The following CHD7 variants were observed in gnomAD, a reference collection of about 807,000 sequenced individuals.
CHD7 encodes ATP-dependent chromatin remodeler CHD7.
CHD7 carries 24 observed loss-of-function variants against 307.3 expected under a neutral mutation model. The ratio of observed to expected loss-of-function variants is 0.08; its 90% CI spans 0.06 to 0.11. CHD7 has a LOEUF of 0.11. CHD7 is among the 10% of genes least tolerant of loss of function. The pLI is 1.00. For missense variants in CHD7, 3,106 were observed against 3,727.1 expected (o/e 0.83, Z 4.34); for synonymous variants, 1,363 against 1,349.9 (o/e 1.01, Z -0.21).
chr8:60,822,104 G>A lies in CHD7; in HGVS notation c.2916G>A (p.Gln972=), dbSNP rs766271197. 4 of 1,613,690 alleles carry A rather than the reference G, an allele frequency of 2.5e-6. No homozygotes were observed. The highest frequency in any genetic ancestry group is 3.3e-5 in the Admixed American group (2 of 59,990). The change falls in exon 11 of 38, where the codon CAG becomes CAA. Residue 972 remains glutamine, a synonymous_variant. Transcript: ENST00000423902. Reference sequence around the variant, plus strand: ...ACAATAACAAACTCAGGGAATACCAGTTGGAGGGAGTAAACTGGCTACTTT... The same window carrying A: ...ACAATAACAAACTCAGGGAATACCAATTGGAGGGAGTAAACTGGCTACTTT... The part of the protein sequence containing the change: ...YKNNNKLREY[Q]LEGVNWLLFN...
intron 3 of CHD7, among the ~76,000 whole-genome samples, chr8:60,784,102 C>T (rs532059655): frequency 6.6e-6 from 1 of 152,238 alleles, no homozygotes; most frequent in Non-Finnish European, 1.5e-5. Flanking sequence ...GTGCATACAA[C>T]TACATGTAAA....
intron 1 of CHD7, among the ~76,000 whole-genome samples, chr8:60,699,594 T>C (rs1375275445): frequency 6.6e-6 from 1 of 152,088 alleles, no homozygotes; most frequent in Non-Finnish European, 1.5e-5. Context: ...TGCTATGGAA[T>C]ATACTGTAGC....
intron 1 of CHD7, among the ~76,000 whole-genome samples, chr8:60,690,572 C>T (rs573755771): frequency 1.4e-4 from 22 of 152,264 alleles, no homozygotes; most frequent in African/African-American, 4.8e-4. Flanking sequence ...GAGAGCCTTC[C>T]ATTTAGCTGC....
chr8:60,837,238 T>C (rs1332788349), intron 17 of CHD7, among the ~76,000 whole-genome samples: 3 of 152,224 alleles, frequency 2.0e-5, no homozygotes, highest in Non-Finnish European at 4.4e-5. Context: ...GGCACATAGA[T>C]AGGGTCTTAG....
At chr8:60,786,326 C>T (rs879526271) in intron 3 of CHD7, among the ~76,000 whole-genome samples, 16 of 152,158 alleles carry the variant, frequency 1.1e-4, no homozygotes, top group South Asian at 4.1e-4. Flanking sequence ...GTGTCTTTGA[C>T]GTGTGTGGTT....
intron 1 of CHD7, among the ~76,000 whole-genome samples, chr8:60,691,777 A>G (rs1806205900): frequency 6.6e-6 from 1 of 152,210 alleles, no homozygotes; most frequent in Admixed American, 6.5e-5. Flanking sequence ...TAACTTTCTT[A>G]CCTGTTTTCT....
At chr8:60,706,280 G>T (rs1807018564) in intron 1 of CHD7, among the ~76,000 whole-genome samples, 1 of 152,116 alleles carries the variant, frequency 6.6e-6, no homozygotes, top group Non-Finnish European at 1.5e-5. Context: ...ATTATGAATT[G>T]CTTAAGTTGA....
chr8:60,682,835 T>C (rs1044397344), intron 1 of CHD7, among the ~76,000 whole-genome samples: 2 of 152,228 alleles, frequency 1.3e-5, no homozygotes, highest in African/African-American at 4.8e-5. Flanking sequence ...AATGTGGCAT[T>C]GCAAGAATAA....
At chr8:60,693,468 C>T (rs1806304937) in intron 1 of CHD7, among the ~76,000 whole-genome samples, 1 of 152,238 alleles carries the variant, frequency 6.6e-6, no homozygotes, top group African/African-American at 2.4e-5. Context: ...GTGCCTTCCA[C>T]AGGCAAGACC....
intron 7 of CHD7, among the ~76,000 whole-genome samples, chr8:60,812,683 T>C (rs1812869572): frequency 1.4e-5 from 2 of 145,900 alleles, no homozygotes; most frequent in Admixed American, 6.8e-5. Context: ...AAAAAAAGAG[T>C]CCATTTTTGA....
chr8:60,700,163 T>C (rs1218186150), intron 1 of CHD7, among the ~76,000 whole-genome samples: 2 of 152,174 alleles, frequency 1.3e-5, no homozygotes, highest in African/African-American at 2.4e-5. Flanking sequence ...TATGGAAATA[T>C]TTTAAATTCC....
chr8:60,823,603 A>T (rs1194750600), intron 12 of CHD7, among the ~76,000 whole-genome samples: 3 of 152,180 alleles, frequency 2.0e-5, no homozygotes, highest in African/African-American at 7.2e-5. Context: ...TAATTGATGC[A>T]TGTGCTCTGT....
At chr8:60,805,857 C>G (rs1812513077) in intron 6 of CHD7, among the ~76,000 whole-genome samples, 1 of 151,974 alleles carries the variant, frequency 6.6e-6, no homozygotes, top group Non-Finnish European at 1.5e-5. Flanking sequence ...CATTTGAAGG[C>G]ATTGAAAATG....
chr8:60,731,086 C>T (rs572844917), intron 1 of CHD7, among the ~76,000 whole-genome samples: 1 of 152,284 alleles, frequency 6.6e-6, no homozygotes, highest in East Asian at 1.9e-4. Context: ...GCAGTGTCAA[C>T]GTGCTTGTGT....
intron 1 of CHD7, among the ~76,000 whole-genome samples, chr8:60,691,134 C>T (rs533869777): frequency 6.6e-6 from 1 of 152,282 alleles, no homozygotes; most frequent in East Asian, 1.9e-4. Flanking sequence ...CCATGTTGGC[C>T]AGGCTGGTCT....
At chr8:60,701,971 G>A (rs1244813160) in intron 1 of CHD7, among the ~76,000 whole-genome samples, 1 of 152,248 alleles carries the variant, frequency 6.6e-6, no homozygotes, top group Admixed American at 6.5e-5. Flanking sequence ...CCTCCCTGCA[G>A]TGGTGTTTTC....
intron 1 of CHD7, among the ~76,000 whole-genome samples, chr8:60,721,150 C>T (rs928249544): frequency 6.6e-6 from 1 of 152,192 alleles, no homozygotes; most frequent in African/African-American, 2.4e-5. Context: ...CACCCAAACT[C>T]ATATGTTGAA....
chr8:60,832,786 G>A (rs1804578273), intron 15 of CHD7, among the ~76,000 whole-genome samples: 1 of 152,172 alleles, frequency 6.6e-6, no homozygotes, highest in African/African-American at 2.4e-5. Flanking sequence ...CACAGCTGGT[G>A]TGTCTCTTCC....
intron 1 of CHD7, among the ~76,000 whole-genome samples, chr8:60,706,191 T>C (rs887833494): frequency 1.3e-5 from 2 of 152,264 alleles, no homozygotes; most frequent in Admixed American, 6.5e-5. Context: ...TGCTGTTGAG[T>C]GATGTAGCAA....
Sources: gnomAD v4.1 joint callset for allele counts (sites outside exome capture counted in the v4.1 genomes callset) on GRCh38, gnomAD v4.1.1 for gene constraint, MANE v1.5 for transcripts, NCBI Gene and HGNC (gene_info 2026-07-23, HGNC 2026-07-21) for gene names.